The following PAPPA variants were observed in gnomAD, a reference collection of about 807,000 sequenced individuals.
PAPPA encodes the protein pappalysin 1, also known as pappalysin-1.
A neutral mutation model predicts 164.0 loss-of-function variants in PAPPA; 60 were observed. That is an observed-to-expected ratio of 0.37 (90% CI 0.30 to 0.45). The LOEUF (loss-of-function observed/expected upper bound fraction) is 0.45. Ranked by LOEUF, PAPPA falls within the 20% of genes least tolerant of loss-of-function variation. PAPPA has a pLI of 1.00. For missense variants in PAPPA, 1,782 were observed against 2,087.3 expected, an observed-to-expected ratio of 0.85 and a Z score of 2.85; for synonymous variants, 875 against 814.1, an observed-to-expected ratio of 1.07 and a Z score of -1.27.
chr9:116,162,410 C>T (rs2118977017), intron 1 of PAPPA, among the ~76,000 whole-genome samples: 1 of 152,252 alleles, frequency 6.6e-6, no homozygotes, highest in East Asian at 1.9e-4. Flanking sequence ...CCCTAACTAC[C>T]TGGAGAGCAA....
At chr9:116,373,143 C>A (rs921677362) in intron 19 of PAPPA, 1 of 152,154 alleles carries the variant, frequency 6.6e-6, no homozygotes, top group East Asian at 1.9e-4. Flanking sequence ...TCTAACTGAC[C>A]TAGAGATGGA....
Position 116,394,646 on chromosome 9 carries a change from A to T in PAPPA, c.4777-1863A>T, listed in dbSNP as rs559588339. ...AAATGAATAGGGGCAAATATTCTAG[A>T]TTCTAGATGGAATATCCTAGATGTA... On this transcript the variant is annotated intron_variant, in intron 21 of 21. Coordinates refer to ENST00000328252, the MANE Select transcript of PAPPA (RefSeq NM_002581.5). Among the ~76,000 whole-genome samples the T allele has an allele frequency of 2.6e-4, 39 of 152,310 alleles. 1 individual carries two copies. Among genetic ancestry groups the T allele is most frequent in the African/African-American group, 8.4e-4 (35 of 41,558 alleles).
chr9:116,374,882 G>T (rs1372311888), intron 19 of PAPPA, among the ~76,000 whole-genome samples: 1 of 152,236 alleles, frequency 6.6e-6, no homozygotes. Flanking sequence ...GGAGGCAGAG[G>T]GGGAAGAACG....
At chr9:116,199,906 T>C (rs1844152076) in intron 2 of PAPPA, among the ~76,000 whole-genome samples, 1 of 151,770 alleles carries the variant, frequency 6.6e-6, no homozygotes, top group Non-Finnish European at 1.5e-5. Context: ...GGGGAGACGA[T>C]AGAGTCTTTT....
At chr9:116,240,295 C>T (rs1466839423) in intron 7 of PAPPA, among the ~76,000 whole-genome samples, 3 of 152,144 alleles carry the variant, frequency 2.0e-5, no homozygotes, top group South Asian at 4.1e-4. Flanking sequence ...AAGAGAGGGA[C>T]AGGCAAGCAG....
At chr9:116,155,951 T>G (rs1564168804) in intron 1 of PAPPA, among the ~76,000 whole-genome samples, 1 of 152,076 alleles carries the variant, frequency 6.6e-6, no homozygotes, top group Admixed American at 6.5e-5. Context: ...TCATTCACTT[T>G]TAACTCGCAA....
At chr9:116,358,477 C>A (rs1846381820) in intron 17 of PAPPA, among the ~76,000 whole-genome samples, 1 of 152,176 alleles carries the variant, frequency 6.6e-6, no homozygotes, top group Non-Finnish European at 1.5e-5. Flanking sequence ...TGGCATCTGG[C>A]ATTATTGCCC....
At chr9:116,302,127 C>A (rs933296180) in intron 9 of PAPPA, among the ~76,000 whole-genome samples, 3 of 152,128 alleles carry the variant, frequency 2.0e-5, no homozygotes, top group African/African-American at 7.2e-5. Context: ...TGTATGGAAT[C>A]TCAGTTTCCT....
At position 116,271,228 on chromosome 9, in the gene PAPPA, C is replaced by T; in HGVS notation, c.2862-97C>T. On this transcript the variant is annotated intron_variant, in intron 8 of 21. Transcript: ENST00000328252. The surrounding 1 kb of genome is among the most constrained non-coding windows in gnomAD (Gnocchi z 4.2). ...ACAGAGAAAGGGATTTGTGCAAGGT[C>T]TCACTGAAGGTTCATGGCCCAGGGA... The T allele has an allele frequency of 2.6e-6, 2 of 758,342 alleles. No individual in the cohort carries two copies. Among genetic ancestry groups the T allele is most frequent in the Non-Finnish European group, 4.7e-6 (2 of 424,926 alleles). The allele number at this position is 758,342 out of a possible 1,614,324, so 47.0% of individuals were successfully genotyped here.
intron 19 of PAPPA, among the ~76,000 whole-genome samples, chr9:116,371,138 C>T (rs544175569): frequency 1.6e-4 from 25 of 151,718 alleles, no homozygotes; most frequent in Middle Eastern, 3.4e-3. Flanking sequence ...CTGAGGCAGC[C>T]GGGCGCGGTG....
rs553587407 is a variant in PAPPA, at chr9:116,248,736, C to T, written c.2732+13099C>T. On this transcript the variant is annotated intron_variant, in intron 7 of 21. Coordinates refer to ENST00000328252, the MANE Select transcript of PAPPA (RefSeq NM_002581.5). ...CCATGTTATTCTCTACCCCTAGCTTCTTGTGCAAGGCCAGACATCATGTAG... is the reference window on the plus strand; with the variant it reads ...CCATGTTATTCTCTACCCCTAGCTTTTTGTGCAAGGCCAGACATCATGTAG... Among the ~76,000 whole-genome samples, 75 of 152,320 alleles carry T rather than the reference C, an allele frequency of 4.9e-4. 1 individual carries two copies. The highest frequency in any genetic ancestry group is 9.1e-4 in the Admixed American group (14 of 15,304).
Position 116,398,272 on chromosome 9 carries a change from C to G in PAPPA, c.*1656C>G, listed in dbSNP as rs1414197241. ...AGAAGGGTTGAGTGTGGCATACTTT[C>G]TGAAACCTGGAGCTGGGAATTGCGG... On this transcript the variant is annotated 3_prime_UTR_variant, in exon 22 of 22. Coordinates refer to ENST00000328252, the MANE Select transcript of PAPPA (RefSeq NM_002581.5). The G allele has an allele frequency of 4.8e-6, 1 of 207,078 alleles. No homozygotes were observed. 12.8% of individuals were successfully genotyped at this position (207,078 alleles called of 1,614,324 possible).
intron 7 of PAPPA, among the ~76,000 whole-genome samples, chr9:116,256,945 T>A (rs1844935121): frequency 1.3e-5 from 2 of 150,514 alleles, no homozygotes; most frequent in African/African-American, 4.9e-5. Flanking sequence ...TTTTTTACCA[T>A]GTACTAGGCC....
At chr9:116,180,438 C>T (rs934043401) in intron 1 of PAPPA, among the ~76,000 whole-genome samples, 14 of 152,084 alleles carry the variant, frequency 9.2e-5, no homozygotes, top group Admixed American at 1.3e-4. Context: ...ATCTCAGTTT[C>T]CTTATCTGTC....
rs1845324583 is a variant in PAPPA, at chr9:116,285,329, C to T, written c.2953+13913C>T. ...GGACTACAGGCACATACCACCACACCCAGCTAATTTTTGTATTTTTGTAGA... is the reference window on the plus strand; with the variant it reads ...GGACTACAGGCACATACCACCACACTCAGCTAATTTTTGTATTTTTGTAGA... On this transcript the variant is annotated intron_variant, in intron 9 of 21. Coordinates refer to ENST00000328252, the MANE Select transcript of PAPPA (RefSeq NM_002581.5). Among the ~76,000 whole-genome samples, 3 of 151,824 alleles carry T rather than the reference C, an allele frequency of 2.0e-5. No homozygotes were observed. In the East Asian group the frequency reaches 5.8e-4, roughly 29 times the overall value.
chr9:116,255,894 T>G (rs1341280450), intron 7 of PAPPA, among the ~76,000 whole-genome samples: 1 of 151,896 alleles, frequency 6.6e-6, no homozygotes, highest in Non-Finnish European at 1.5e-5. Flanking sequence ...TCTTACTATC[T>G]TTGCCTAGGA....
At chr9:116,158,321 G>C (rs1303958009) in intron 1 of PAPPA, among the ~76,000 whole-genome samples, 1 of 152,148 alleles carries the variant, frequency 6.6e-6, no homozygotes, top group Non-Finnish European at 1.5e-5. Context: ...CTGGGTTTAA[G>C]TATATGGCTA....
At chr9:116,350,683 GTACTTTATA>G (rs935068660) in intron 15 of PAPPA, among the ~76,000 whole-genome samples, 1 of 152,176 alleles carries the variant, frequency 6.6e-6, no homozygotes, top group Non-Finnish European at 1.5e-5. Flanking sequence ...TGTGCTTCCT[GTACTTTATA>G]TACAGCTCCC....
chr9:116,217,821 T>C (rs1378041539), intron 4 of PAPPA, among the ~76,000 whole-genome samples: 3 of 152,154 alleles, frequency 2.0e-5, no homozygotes, highest in Non-Finnish European at 4.4e-5. Flanking sequence ...ACTGAGGCAC[T>C]GGGGGCAGAA....
Sources: gnomAD v4.1 joint callset for allele counts (sites outside exome capture counted in the v4.1 genomes callset) on GRCh38, gnomAD v4.1.1 for gene constraint, Gnocchi (gnomAD v3.1) non-coding constraint, MANE v1.5 for transcripts, NCBI Gene and HGNC (gene_info 2026-07-23, HGNC 2026-07-21) for gene names.